LRRD1: variants seen among roughly 807,000 people sequenced by gnomAD.
LRRD1 encodes the protein leucine-rich repeat and death domain-containing protein 1.
A neutral mutation model predicts 69.5 loss-of-function variants in LRRD1; 49 were observed. That is an observed-to-expected ratio of 0.70 (90% CI 0.56 to 0.89). The LOEUF (loss-of-function observed/expected upper bound fraction) is 0.89. Among genes scored for constraint, LRRD1 ranks in the 40% least tolerant of loss-of-function variants. The pLI, the probability that LRRD1 is intolerant of heterozygous loss-of-function variation, is 0.00. For missense variants in LRRD1, 853 were observed against 956.0 expected (o/e 0.89, Z 1.42); for synonymous variants, 303 against 338.9 (o/e 0.89, Z 1.16).
intron 3 of LRRD1, among the ~76,000 whole-genome samples, chr7:92,152,026 A>G (rs778286896): frequency 6.7e-6 from 1 of 149,806 alleles, no homozygotes; most frequent in Non-Finnish European, 1.5e-5. Context: ...ATTTGCCTTT[A>G]TATTATTTAT....
Position 92,163,276 on chromosome 7 carries a change from A to G in LRRD1, c.1917+10T>C. The G allele has an allele frequency of 7.0e-7, 1 of 1,421,784 alleles. No homozygotes were observed. Among genetic ancestry groups the G allele is most frequent in the Non-Finnish European group, 9.2e-7 (1 of 1,082,166 alleles). The allele number at this position is 1,421,784 out of a possible 1,614,324, so 88.1% of individuals were successfully genotyped here. A position where few individuals can be genotyped will look rare whatever the true frequency, so the allele number is the denominator to read the frequency against. On this transcript the variant is annotated intron_variant, in intron 2 of 5. Transcript: ENST00000458448. ...CCTTCCCCACAAAGCCCACAATACC[A>G]GTCTCTTACCTTTCTCCCTTTTATC...
At chr7:92,156,599 A>T (rs1788663096) in intron 3 of LRRD1, among the ~76,000 whole-genome samples, 1 of 152,234 alleles carries the variant, frequency 6.6e-6, no homozygotes, top group Admixed American at 6.5e-5. Context: ...ATTTCTTGCT[A>T]GTCTGTAGAC....
At chr7:92,144,586 C>T (rs538609098), downstream of LRRD1, among the ~76,000 whole-genome samples, 1 of 144,742 alleles carries the variant, frequency 6.9e-6, no homozygotes, top group Admixed American at 7.1e-5. Flanking sequence ...AAGATCACAC[C>T]ACTGCACTCC....
intron 4 of LRRD1, 21 bp downstream of exon 4, chr7:92,150,513 A>G (rs1487525338): frequency 6.8e-7 from 1 of 1,465,368 alleles, no homozygotes; most frequent in Non-Finnish European, 9.1e-7. Flanking sequence ...CTTGTTAGAT[A>G]GTCAATCACT....
intron 3 of LRRD1, among the ~76,000 whole-genome samples, chr7:92,154,089 C>T (rs890852944): frequency 7.9e-5 from 12 of 152,186 alleles, no homozygotes; most frequent in Non-Finnish European, 8.8e-5. Context: ...CCACCTGCCT[C>T]GGTTTTCCAA....
downstream of LRRD1, chr7:92,141,820 T>C (rs1266089764): frequency 6.6e-6 from 1 of 152,326 alleles, no homozygotes; most frequent in African/African-American, 2.4e-5. Flanking sequence ...ACCAATGTTA[T>C]GTTGCACTTC....
chr7:92,160,702 A>C (rs1788777853), intron 2 of LRRD1, among the ~76,000 whole-genome samples: 2 of 152,134 alleles, frequency 1.3e-5, no homozygotes, highest in African/African-American at 4.8e-5. Flanking sequence ...AATCCCAGCT[A>C]CTCAGGAGCC....
intron 3 of LRRD1, among the ~76,000 whole-genome samples, chr7:92,157,108 G>A (rs1157253543): frequency 1.4e-5 from 2 of 141,368 alleles, no homozygotes; most frequent in African/African-American, 5.3e-5. Context: ...ATAACTTACT[G>A]CAGCCTCAAA....
downstream of LRRD1, chr7:92,142,507 C>G (rs1027359930): frequency 2.4e-5 from 11 of 456,596 alleles, no homozygotes; most frequent in African/African-American, 2.2e-4. Flanking sequence ...CAAAAAGATC[C>G]AAAAGAAACT....
At chr7:92,178,711 G>T (rs1789250913) in intron 1 of LRRD1, 1 of 152,094 alleles carries the variant, frequency 6.6e-6, no homozygotes, top group African/African-American at 2.4e-5. Flanking sequence ...TACAAATATT[G>T]CCAATTTGAT....
chr7:92,160,788 G>A (rs1788779614), intron 2 of LRRD1, among the ~76,000 whole-genome samples: 1 of 152,170 alleles, frequency 6.6e-6, no homozygotes, highest in African/African-American at 2.4e-5. Context: ...CCTCCAGCCT[G>A]AGCGACAGAG....
chr7:92,147,160 G>A (rs1305528043), intron 4 of LRRD1, among the ~76,000 whole-genome samples: 4 of 150,584 alleles, frequency 2.7e-5, no homozygotes, highest in Non-Finnish European at 4.4e-5. Flanking sequence ...TCTGCCTCCC[G>A]GGTTCAAGTG....
In LRRD1 at chr7:92,164,478, T is replaced by C. The variant is rs1788859499; in HGVS notation, c.725A>G (p.Tyr242Cys). The change falls in exon 2 of 6, where the codon TAT (tyrosine) becomes TGT (cysteine). Residue 242 changes from tyrosine (Y) to cysteine (C), a missense_variant. Tyr to Cys is a radical substitution (Grantham distance 194). Coordinates refer to ENST00000458448, the MANE Select transcript of LRRD1 (RefSeq NM_001161528.2). ...AGGAAAATTTTCAATGTAATTGTTA[T>C]AAAAAAAGAGTTGTCTGATATTCCC... ...QLGNIRQLFF[Y>C]NNYIENFPSD... 12 of 1,549,920 alleles carry C rather than the reference T, an allele frequency of 7.7e-6. No homozygotes were observed. The highest frequency in any genetic ancestry group is 2.5e-5 in the East Asian group (1 of 40,806).
chr7:92,162,128 G>A (rs1788805573), intron 2 of LRRD1, among the ~76,000 whole-genome samples: 1 of 152,152 alleles, frequency 6.6e-6, no homozygotes, highest in Non-Finnish European at 1.5e-5. Context: ...AATACAAGCT[G>A]TATCATTATT....
chr7:92,144,705 A>G (rs1820271958), downstream of LRRD1: 1 of 380,766 alleles, frequency 2.6e-6, no homozygotes, highest in Non-Finnish European at 4.6e-6. Flanking sequence ...AAACACACAA[A>G]ACAGTGTCTG....
chr7:92,161,557 A>G (rs1455314422), intron 2 of LRRD1, among the ~76,000 whole-genome samples: 1 of 152,218 alleles, frequency 6.6e-6, no homozygotes, highest in Non-Finnish European at 1.5e-5. Flanking sequence ...GCATGAAGTG[A>G]GTGATAACCA....
downstream of LRRD1, among the ~76,000 whole-genome samples, chr7:92,143,141 G>A (rs569673818): frequency 7.2e-5 from 11 of 152,174 alleles, no homozygotes; most frequent in East Asian, 1.9e-4. Context: ...ACAGAGTGTC[G>A]ATTGGTGTAT....
chr7:92,164,525 T>C lies in LRRD1; in HGVS notation c.678A>G (p.Ile226Met). 3 of 1,550,220 alleles carry C rather than the reference T, an allele frequency of 1.9e-6. No individual in the cohort carries two copies. Among genetic ancestry groups the C allele is most frequent in the Non-Finnish European group, 2.6e-6 (3 of 1,146,020 alleles). The change falls in exon 2 of 6, where the codon ATA becomes ATG. Residue 226 changes from isoleucine to methionine, a missense_variant. Coordinates refer to ENST00000458448, the MANE Select transcript of LRRD1 (RefSeq NM_001161528.2). ...TCCCAAGCTGAGATATTTCTTTAGG[T>C]ATATGTGATATGTGGTTATGACTGA... Reference protein sequence around the residue: ...LNVSHNHISHIPKEISQLGNI... With the variant: ...LNVSHNHISHMPKEISQLGNI...
chr7:92,154,450 C>T (rs1389351949), intron 3 of LRRD1, among the ~76,000 whole-genome samples: 1 of 151,940 alleles, frequency 6.6e-6, no homozygotes, highest in Non-Finnish European at 1.5e-5. Flanking sequence ...CCCCATGTTG[C>T]CCAGGCTGGT....
Sources: allele counts gnomAD v4.1 joint callset (sites outside exome capture counted in the v4.1 genomes callset), GRCh38; gene constraint gnomAD v4.1.1; transcripts MANE v1.5; gene names NCBI Gene and HGNC (gene_info 2026-07-23, HGNC 2026-07-21).